LGR6: variants seen among roughly 807,000 people sequenced by gnomAD.
LGR6 encodes leucine-rich repeat-containing G protein-coupled receptor 6.
Under a neutral mutation model 69.4 loss-of-function variants are expected in LGR6, and 45 were observed. The observed-to-expected ratio is 0.65, with a 90% confidence interval of 0.51 to 0.83. LGR6 has a LOEUF of 0.83. Among genes scored for constraint, LGR6 ranks in the 40% least tolerant of loss-of-function variants. The pLI is 0.00. For synonymous variants in LGR6, 538 were observed against 555.0 expected (o/e 0.97, Z 0.43); for missense variants, 1,108 against 1,246.7 (o/e 0.89, Z 1.68).
At chr1:202,218,365 C>T (rs1306760028) in intron 1 of LGR6, among the ~76,000 whole-genome samples, 1 of 151,996 alleles carries the variant, frequency 6.6e-6, no homozygotes, top group Non-Finnish European at 1.5e-5. Context: ...GTGGTACTAC[C>T]CTAGCTCACT....
At chr1:202,246,453 A>G (rs1201706193) in intron 4 of LGR6, among the ~76,000 whole-genome samples, 1 of 122,734 alleles carries the variant, frequency 8.1e-6, no homozygotes, top group Non-Finnish European at 1.6e-5. Flanking sequence ...CCATGCATCC[A>G]TCCCCCCATC....
intron 1 of LGR6, among the ~76,000 whole-genome samples, chr1:202,203,246 C>T (rs1320967771): frequency 2.0e-5 from 3 of 152,106 alleles, no homozygotes; most frequent in Admixed American, 6.5e-5. Context: ...CCAAAGGCAG[C>T]CCCCACTAAG....
At chr1:202,293,335 A>C (rs1295376248) in intron 6 of LGR6, among the ~76,000 whole-genome samples, 1 of 152,128 alleles carries the variant, frequency 6.6e-6, no homozygotes, top group African/African-American at 2.4e-5. Context: ...CTTCATATTG[A>C]AATCTTGCTG....
intron 6 of LGR6, among the ~76,000 whole-genome samples, chr1:202,285,923 C>T (rs1334128098): frequency 6.6e-6 from 1 of 152,188 alleles, no homozygotes; most frequent in East Asian, 1.9e-4. Context: ...TATTCCATGC[C>T]TCTCACCTCA....
At chr1:202,281,811 C>T (rs757408815) in intron 6 of LGR6, among the ~76,000 whole-genome samples, 1 of 151,810 alleles carries the variant, frequency 6.6e-6, no homozygotes, top group Non-Finnish European at 1.5e-5. Flanking sequence ...CCCACATATA[C>T]CCCAGGACAT....
At chr1:202,238,806 G>A (rs1409775664) in intron 4 of LGR6, among the ~76,000 whole-genome samples, 1 of 151,976 alleles carries the variant, frequency 6.6e-6, no homozygotes, top group Non-Finnish European at 1.5e-5. Context: ...ATCAGGTGAA[G>A]AGGCGGGGAA....
At chr1:202,252,485 C>T (rs1345505075) in intron 4 of LGR6, among the ~76,000 whole-genome samples, 1 of 152,136 alleles carries the variant, frequency 6.6e-6, no homozygotes, top group Non-Finnish European at 1.5e-5. Flanking sequence ...GGGTGCAGCC[C>T]CTGGGCTCCT....
At chr1:202,285,317 C>T (rs1169422126) in intron 6 of LGR6, among the ~76,000 whole-genome samples, 1 of 152,164 alleles carries the variant, frequency 6.6e-6, no homozygotes, top group African/African-American at 2.4e-5. Context: ...CAGCCTTTGG[C>T]CAGGGACAGG....
At chr1:202,275,497 A>G (rs1239844074) in intron 4 of LGR6, among the ~76,000 whole-genome samples, 1 of 152,098 alleles carries the variant, frequency 6.6e-6, no homozygotes, top group East Asian at 1.9e-4. Context: ...TCACCCTAGA[A>G]TCTCTGGTTA....
At position 202,314,836 on chromosome 1, in the gene LGR6, G is replaced by A; in HGVS notation, c.1602G>A (p.Met534Ile). The stretch of plus-strand genomic sequence containing the variant: ...ACCTGGATGAGCTCCAGCTGGAGAT[G>A]GAGGACTCAAAGCCACACCCCAGTG... ...DQDLDELQLE[M>I]EDSKPHPSVQ... Residue 534 changes from methionine to isoleucine, a missense_variant, in exon 17 of 18, where the codon ATG (methionine) becomes ATA (isoleucine). Met to Ile is a conservative substitution (Grantham distance 10). Coordinates refer to ENST00000367278, the MANE Select transcript of LGR6 (RefSeq NM_001017403.2). The A allele has an allele frequency of 6.2e-7, 1 of 1,614,064 alleles. No individual in the cohort carries two copies.
At chr1:202,242,919 T>C (rs948295895) in intron 4 of LGR6, among the ~76,000 whole-genome samples, 5 of 152,212 alleles carry the variant, frequency 3.3e-5, no homozygotes, top group African/African-American at 1.2e-4. Flanking sequence ...GTGCAAGTCA[T>C]TGCACTTATT....
At chr1:202,204,941 A>C (rs1245086126) in intron 1 of LGR6, among the ~76,000 whole-genome samples, 1 of 1,860 alleles carries the variant, frequency 5.4e-4, no homozygotes, top group Non-Finnish European at 1.0e-3. Flanking sequence ...ACCTCCTTCA[A>C]GCACACACAC....
chr1:202,235,944 GGAGGAATCCCCGCA>G lies in LGR6; in HGVS notation c.384_397del (p.Ile129AlafsTer26). ...TAGGATGCTGCAGAACAATCAGCTG[GGAGGAATCCCCGCA>G]GAGGCGCTGTGGGAGCTGCCGAGCC... On this transcript the variant is annotated frameshift_variant, in exon 4 of 18. Coordinates refer to ENST00000367278, the MANE Select transcript of LGR6 (RefSeq NM_001017403.2). LOFTEE classifies it high-confidence loss of function. The G allele has an allele frequency of 6.2e-7, 1 of 1,614,068 alleles. No homozygotes were observed. Among genetic ancestry groups the G allele is most frequent in the South Asian group, 1.1e-5 (1 of 91,088 alleles).
At chr1:202,310,082 T>G in intron 15 of LGR6, 115 bp from the exon 16 acceptor site, 1 of 1,037,316 alleles carries the variant, frequency 9.6e-7, no homozygotes, top group Non-Finnish European at 1.4e-6. Flanking sequence ...AACTTGGGAG[T>G]TGAAGGACAG....
chr1:202,285,323 A>G (rs369702102), intron 6 of LGR6, among the ~76,000 whole-genome samples: 9 of 152,320 alleles, frequency 5.9e-5, no homozygotes, highest in African/African-American at 2.2e-4. Context: ...TTGGCCAGGG[A>G]CAGGAAACCA....
At chr1:202,255,542 C>T (rs376566366) in intron 4 of LGR6, among the ~76,000 whole-genome samples, 2 of 152,190 alleles carry the variant, frequency 1.3e-5, no homozygotes, top group East Asian at 1.9e-4. Context: ...TTGCCGGCCC[C>T]CCTTAGCTCA....
At position 202,319,073 on chromosome 1, in the gene LGR6, C is replaced by G. The variant is rs778605481; in HGVS notation, c.2770C>G (p.His924Asp). The G allele has an allele frequency of 2.4e-5, 39 of 1,614,114 alleles. No individual in the cohort carries two copies. In the East Asian group the frequency reaches 3.3e-4, roughly 14 times the overall value. Reference protein sequence around the residue: ...GSHCVEPEGNHFGNPQPSMDG... With the variant: ...GSHCVEPEGNDFGNPQPSMDG... ...CCATTGTGTAGAGCCAGAGGGGAAC[C>G]ACTTTGGGAACCCCCAACCCTCCAT... is the stretch of plus-strand genomic sequence containing the variant. The change falls in exon 18 of 18, where the codon CAC becomes GAC. Residue 924 changes from histidine to aspartate, a missense_variant. By Grantham distance (81) the His-to-Asp change is moderately conservative. Transcript: ENST00000367278.
chr1:202,259,405 A>G (rs1006322261), intron 4 of LGR6, among the ~76,000 whole-genome samples: 36 of 152,214 alleles, frequency 2.4e-4, no homozygotes, highest in African/African-American at 8.2e-4. Context: ...CTGTGTTTGA[A>G]GAGCAAATTC....
intron 2 of LGR6, 79 bp downstream of exon 2, chr1:202,225,573 G>A: frequency 7.6e-7 from 1 of 1,311,316 alleles, no homozygotes; most frequent in African/African-American, 1.5e-5. Context: ...CCCAGGAGGT[G>A]GGGTGGAGAG....
Sources: allele counts gnomAD v4.1 joint callset (sites outside exome capture counted in the v4.1 genomes callset), GRCh38; gene constraint gnomAD v4.1.1; transcripts MANE v1.5; gene names NCBI Gene and HGNC (gene_info 2026-07-23, HGNC 2026-07-21).